Variants in EPN2 observed in about 807,000 individuals in gnomAD.
EPN2 encodes the protein epsin-2.
EPN2 carries 34 observed loss-of-function variants against 61.7 expected under a neutral mutation model. The ratio of observed to expected loss-of-function variants is 0.55; its 90% CI spans 0.42 to 0.73. EPN2 has a LOEUF of 0.73. Among genes scored for constraint, EPN2 ranks in the 30% least tolerant of loss-of-function variants. The pLI is 0.00. For missense variants in EPN2, 714 were observed against 839.2 expected, an observed-to-expected ratio of 0.85 and a Z score of 1.84; for synonymous variants, 349 against 353.6, an observed-to-expected ratio of 0.99 and a Z score of 0.15.
rs148952227 is a variant in EPN2 at position 19,328,786 on chromosome 17, C to T, written c.1223C>T (p.Ser408Leu). Residue 408 changes from serine (S) to leucine (L), a missense_variant, in exon 8 of 11, where the codon TCG becomes TTG. Ser to Leu is a moderately radical substitution (Grantham distance 145). This residue lies in a region of EPN2 where 410 missense variants were observed against 421.8 expected (regional missense o/e 0.97). Transcript: ENST00000314728. ...GATVQSVPKN[S>L]DPWAASQQPA... ...ACCGTACAATCTGTCCCCAAGAACT[C>T]GGACCCCTGGGCAGCTTCACAGCAG... The T allele has an allele frequency of 1.3e-4, 203 of 1,613,602 alleles. 1 individual carries two copies. The Admixed American group carries it at 3.0e-3, about 24-fold the overall frequency.
intron 4 of EPN2, among the ~76,000 whole-genome samples, chr17:19,306,764 G>A (rs1024410564): frequency 6.6e-6 from 1 of 152,178 alleles, no homozygotes; most frequent in African/African-American, 2.4e-5. Context: ...TGCCAGGATG[G>A]GGCTTGTTTT....
At chr17:19,295,659 T>A (rs55908510) in intron 4 of EPN2, among the ~76,000 whole-genome samples, 1,647 of 152,308 alleles carry the variant, frequency 0.011, 25 homozygotes, top group African/African-American at 0.036. Context: ...GATTCATAGT[T>A]GTTGTTTTTG....
intron 1 of EPN2, chr17:19,248,459 A>G (rs1011595189): frequency 1.3e-5 from 2 of 152,190 alleles, no homozygotes; most frequent in South Asian, 2.1e-4. Flanking sequence ...ACTGCAGCAG[A>G]TGGTACATGT....
intron 1 of EPN2, chr17:19,248,366 AGCCACAGAGCAG>A (rs1381631663): frequency 1.3e-5 from 2 of 152,242 alleles, no homozygotes; most frequent in African/African-American, 4.8e-5. Flanking sequence ...CCTGCATTTT[AGCCACAGAGCAG>A]GCACAGCAGG....
intron 1 of EPN2, among the ~76,000 whole-genome samples, chr17:19,277,377 G>A (rs985057241): frequency 1.4e-5 from 2 of 147,040 alleles, no homozygotes; most frequent in Non-Finnish European, 3.0e-5. Context: ...CTCCAGCCTG[G>A]GCAAAAGGGT....
At chr17:19,310,059 C>G (rs1287998029) in intron 5 of EPN2, 62 bp downstream of exon 5, 9 of 1,210,578 alleles carry the variant, frequency 7.4e-6, no homozygotes, top group Non-Finnish European at 1.1e-5. Flanking sequence ...GAGTGTGGCT[C>G]ACTGGGAAGA....
chr17:19,314,642 G>A (rs1051785810), intron 7 of EPN2, among the ~76,000 whole-genome samples: 1 of 152,192 alleles, frequency 6.6e-6, no homozygotes, highest in African/African-American at 2.4e-5. Flanking sequence ...ACCCAGGCAG[G>A]GCCTTATACC....
At chr17:19,304,398 T>C (rs1017004073) in intron 4 of EPN2, among the ~76,000 whole-genome samples, 3 of 152,208 alleles carry the variant, frequency 2.0e-5, no homozygotes, top group Non-Finnish European at 4.4e-5. Flanking sequence ...CACTGGACAG[T>C]GGACGCTGAC....
intron 7 of EPN2, among the ~76,000 whole-genome samples, chr17:19,322,657 T>G (rs1906692426): frequency 1.3e-5 from 2 of 151,590 alleles, no homozygotes; most frequent in South Asian, 4.2e-4. Flanking sequence ...GGAGGATCCC[T>G]TGAGCCTAGG....
chr17:19,239,368 T>G (rs2044857141), intron 1 of EPN2, among the ~76,000 whole-genome samples: 1 of 152,204 alleles, frequency 6.6e-6, no homozygotes, highest in Admixed American at 6.5e-5. Flanking sequence ...GCCAGGCTGG[T>G]CTCGAACTCC....
chr17:19,265,878 C>T (rs1039028511), intron 1 of EPN2, among the ~76,000 whole-genome samples: 3 of 152,292 alleles, frequency 2.0e-5, no homozygotes, highest in South Asian at 2.1e-4. Flanking sequence ...AGGGTGACTC[C>T]GTCCTCCTGG....
intron 1 of EPN2, among the ~76,000 whole-genome samples, chr17:19,270,997 C>G (rs1180967078): frequency 4.6e-5 from 7 of 152,168 alleles, no homozygotes; most frequent in Non-Finnish European, 4.4e-5. Context: ...AGAACAGCCT[C>G]AAGGTGTGAA....
At chr17:19,329,039 G>T in intron 8 of EPN2, 152 bp downstream of exon 8, 1 of 670,514 alleles carries the variant, frequency 1.5e-6, no homozygotes, top group Middle Eastern at 4.1e-4. Flanking sequence ...CCAGATCCCA[G>T]GTGCCCCAGT....
rs1249629319 is a variant in EPN2 at position 19,296,962 on chromosome 17, CTG to C, written c.766+11175_766+11176del. 3 of 152,392 alleles carry C rather than the reference CTG, an allele frequency of 2.0e-5. No homozygotes were observed. In the East Asian group the frequency reaches 5.8e-4, roughly 29 times the overall value. The allele number at this position is 152,392 out of a possible 1,614,324, so 9.4% of individuals were successfully genotyped here. Reference sequence around the variant, plus strand: ...TTTCCCAAGCATTTTCTTTTTCACACTGTGAACGCAACTTTGCATTCCTGCTT... The same window carrying C: ...TTTCCCAAGCATTTTCTTTTTCACACTGAACGCAACTTTGCATTCCTGCTT... On this transcript the variant is annotated intron_variant, in intron 4 of 10. Transcript: ENST00000314728.
chr17:19,240,370 C>T (rs927110496), intron 1 of EPN2, among the ~76,000 whole-genome samples: 9 of 152,130 alleles, frequency 5.9e-5, no homozygotes, highest in African/African-American at 7.2e-5. Context: ...CCTAACCTCC[C>T]GAGTAGCTGG....
At chr17:19,264,890 A>G (rs1344413200) in intron 1 of EPN2, among the ~76,000 whole-genome samples, 2 of 151,804 alleles carry the variant, frequency 1.3e-5, no homozygotes. Context: ...TCGTGGGAGG[A>G]AGGAAGGAGG....
chr17:19,246,726 G>GT lies in EPN2; in HGVS notation c.-294+9205dup, dbSNP rs764061282. Among the ~76,000 whole-genome samples, 335 of 113,824 alleles carry GT rather than the reference G, an allele frequency of 2.9e-3. 4 individuals are homozygous for GT. In the East Asian group the frequency reaches 0.058, roughly 20 times the overall value. The allele number at this position is 113,824 out of a possible 152,430, so 74.7% of individuals were successfully genotyped here. A position where few individuals can be genotyped will look rare whatever the true frequency, so the allele number is the denominator to read the frequency against. On this transcript the variant is annotated intron_variant, in intron 1 of 10. Transcript: ENST00000314728. ...TAAAGGGACGCAGTTGTTTTGTTTT[G>GT]TTTTTTTTTTCCCCCCTGAAAGCAA...
chr17:19,249,215 A>C (rs998757345), intron 1 of EPN2, among the ~76,000 whole-genome samples: 2 of 152,242 alleles, frequency 1.3e-5, no homozygotes, highest in African/African-American at 2.4e-5. Flanking sequence ...GGAGCTAAAA[A>C]GAGCCCACTT....
At chr17:19,292,345 T>C (rs1223808418) in intron 4 of EPN2, among the ~76,000 whole-genome samples, 1 of 152,238 alleles carries the variant, frequency 6.6e-6, no homozygotes, top group Non-Finnish European at 1.5e-5. Context: ...TGTCTAGCCC[T>C]CAGGGCCCTT....
Sources: gnomAD v4.1 joint callset for allele counts (sites outside exome capture counted in the v4.1 genomes callset) on GRCh38, gnomAD v4.1.1 for gene constraint, gnomAD v4.1.1 regional missense constraint, MANE v1.5 for transcripts, NCBI Gene and HGNC (gene_info 2026-07-23, HGNC 2026-07-21) for gene names.